The following SUN3 variants were observed in gnomAD, a reference collection of about 807,000 sequenced individuals.
SUN3 encodes the protein Sad1 and UNC84 domain containing 3.
Under a neutral mutation model 48.2 loss-of-function variants are expected in SUN3, and 36 were observed. The observed-to-expected ratio is 0.75, with a 90% CI of 0.57 to 0.99. The LOEUF is 0.99. SUN3 is among the 50% of genes least tolerant of loss of function. SUN3 has a pLI of 0.00. For missense variants in SUN3, 419 were observed against 433.1 expected (o/e 0.97, Z 0.29); for synonymous variants, 148 against 147.9 (o/e 1.00, Z 0.00).
intron 3 of SUN3, among the ~76,000 whole-genome samples, chr7:48,009,922 G>A (rs1789637216): frequency 6.6e-6 from 1 of 152,096 alleles, no homozygotes; most frequent in African/African-American, 2.4e-5. Context: ...CTTGGGTCTG[G>A]GTGGCCAGCA....
At chr7:48,030,306 T>TA (rs1161648374), upstream of SUN3, among the ~76,000 whole-genome samples, 1 of 152,224 alleles carries the variant, frequency 6.6e-6, no homozygotes, top group Non-Finnish European at 1.5e-5. Flanking sequence ...TTTTACCTAC[T>TA]AGTCCAAAAT....
At chr7:48,012,880 G>A (rs1305730514) in intron 3 of SUN3, among the ~76,000 whole-genome samples, 1 of 152,216 alleles carries the variant, frequency 6.6e-6, no homozygotes, top group Non-Finnish European at 1.5e-5. Context: ...CTCGAAGGAA[G>A]TAGTTTAGGC....
upstream of SUN3, among the ~76,000 whole-genome samples, chr7:48,032,292 G>A (rs75112487): frequency 2.8e-3 from 431 of 152,296 alleles, 1 homozygote; most frequent in Non-Finnish European, 4.6e-3. Context: ...ATACACAAAG[G>A]TAACTAAGTG....
chr7:47,989,012 C>G, intron 8 of SUN3, 132 bp from the exon 9 acceptor site: 1 of 532,834 alleles, frequency 1.9e-6, no homozygotes. Flanking sequence ...CCAGTACTAA[C>G]CTATACACCC....
chr7:48,035,882 G>A, the SUN3 span, among the ~76,000 whole-genome samples: 1 of 151,664 alleles, frequency 6.6e-6, no homozygotes, highest in African/African-American at 2.4e-5. This position sits in a 1 kb window ranked among gnomAD's most constrained non-coding sequence, Gnocchi z 4.0. Context: ...CTGGATACCC[G>A]GCGTGACGTG....
intron 8 of SUN3, among the ~76,000 whole-genome samples, chr7:47,989,933 C>T (rs1789004711): frequency 6.6e-6 from 1 of 152,212 alleles, no homozygotes; most frequent in African/African-American, 2.4e-5. Flanking sequence ...TCACCACTCC[C>T]TACTCTCAAG....
At chr7:48,012,194 C>T (rs531298045) in intron 3 of SUN3, among the ~76,000 whole-genome samples, 15 of 152,146 alleles carry the variant, frequency 9.9e-5, no homozygotes, top group Non-Finnish European at 2.1e-4. Context: ...CCAGAGCACT[C>T]GTTAAGAGGA....
chr7:48,007,326 T>A lies in SUN3; in HGVS notation c.331A>T (p.Lys111Ter), dbSNP rs1436535407. The change falls in exon 5 of 10, where the codon AAG becomes TAG. Residue 111 changes from lysine to a stop codon, truncating the protein, a stop_gained and splice_region_variant. Transcript: ENST00000297325. LOFTEE classifies it high-confidence loss of function. ...MPKEQLELLKKESQNLENNFR... is the reference protein window; with the variant it reads ...MPKEQLELLK ...TTGTTTTCCAGATTCTGGCTTTCCTTCCTGTAAAGGGAAAATCTCAGCATG... is the reference window on the plus strand; with the variant it reads ...TTGTTTTCCAGATTCTGGCTTTCCTACCTGTAAAGGGAAAATCTCAGCATG... The A allele has an allele frequency of 6.2e-7, 1 of 1,613,066 alleles. No individual in the cohort carries two copies. The highest frequency in any genetic ancestry group is 8.5e-7 in the Non-Finnish European group (1 of 1,179,332).
chr7:48,005,911 C>A (rs911596001), intron 6 of SUN3, 58 bp downstream of exon 6: 13 of 1,112,368 alleles, frequency 1.2e-5, no homozygotes, highest in South Asian at 2.8e-5. Context: ...AGAATAGGGA[C>A]ATTCCTGAAG....
rs1485542155 is a variant in SUN3, at chr7:48,019,058, T to C, written c.185-1693A>G. On this transcript the variant is annotated intron_variant, in intron 2 of 9. Transcript: ENST00000297325. The stretch of plus-strand genomic sequence containing the variant: ...AAAATGAAGAACTTACTAGAAGGGC[T>C]CAACAGTTGATTTAAGCAGGCAGAT... Among the ~76,000 whole-genome samples, 6 of 152,132 alleles carry C rather than the reference T, an allele frequency of 3.9e-5. 1 individual carries two copies. Among genetic ancestry groups the C allele is most frequent in the Non-Finnish European group, 1.5e-5 (1 of 68,034 alleles).
At chr7:48,021,746 C>G (rs961572141) in intron 2 of SUN3, among the ~76,000 whole-genome samples, 12 of 152,186 alleles carry the variant, frequency 7.9e-5, no homozygotes, top group African/African-American at 2.9e-4. Context: ...GTTAAAATGG[C>G]TTATACCCAA....
chr7:47,991,178 AG>A, intron 8 of SUN3: 1 of 372,776 alleles, frequency 2.7e-6, no homozygotes, highest in South Asian at 2.1e-5. Flanking sequence ...TAGCCTTTTA[AG>A]GAGCTGGGAT....
At chr7:48,024,056 C>T (rs140782807) in intron 2 of SUN3, among the ~76,000 whole-genome samples, 3 of 152,224 alleles carry the variant, frequency 2.0e-5, no homozygotes, top group African/African-American at 7.2e-5. Flanking sequence ...AGTTGGATCC[C>T]TTGCATCATA....
chr7:47,996,091 TTTTGC>T lies in SUN3; in HGVS notation c.628_632del (p.Ala210IlefsTer12). On this transcript the variant is annotated frameshift_variant, in exon 7 of 10. Transcript: ENST00000297325. LOFTEE classifies it high-confidence loss of function. ...GGAAACCTATCCCATGCCAGTACAA[TTTTGC>T]TTTATTATTTTTATAACTTTCTGAG... 1.3e-6 allele frequency: 2 copies of T among 1,596,226 alleles called. No individual in the cohort carries two copies. Among genetic ancestry groups the T allele is most frequent in the Non-Finnish European group, 1.7e-6 (2 of 1,174,300 alleles).
chr7:48,007,379 A>G (rs774772129), intron 4 of SUN3, 52 bp from the exon 5 acceptor site: 51 of 1,567,754 alleles, frequency 3.3e-5, no homozygotes, highest in Non-Finnish European at 4.3e-5. Context: ...AGCTCCTGTT[A>G]TCAGCTGTTG....
intron 2 of SUN3, among the ~76,000 whole-genome samples, chr7:48,017,939 A>G (rs1789857698): frequency 6.6e-6 from 1 of 152,230 alleles, no homozygotes; most frequent in African/African-American, 2.4e-5. Flanking sequence ...ACAGTAGATG[A>G]TGGAAGTGGC....
intron 6 of SUN3, among the ~76,000 whole-genome samples, chr7:48,002,374 G>A (rs548191809): frequency 1.6e-5 from 2 of 128,754 alleles, no homozygotes; most frequent in Admixed American, 7.1e-5. Flanking sequence ...TAGCCAGGAT[G>A]GTCTCGATCT....
At chr7:48,019,423 G>A (rs1003409912) in intron 2 of SUN3, among the ~76,000 whole-genome samples, 4 of 151,638 alleles carry the variant, frequency 2.6e-5, no homozygotes, top group Admixed American at 6.6e-5. Context: ...CCCAAAATGA[G>A]TAGAAGAAAA....
chr7:48,035,590 G>T, the SUN3 span: 1 of 695,190 alleles, frequency 1.4e-6, no homozygotes, highest in Non-Finnish European at 2.6e-6. The surrounding 1 kb of genome is among the most constrained non-coding windows in gnomAD (Gnocchi z 4.0). Context: ...CTCCAACGCC[G>T]GGCGCCGCGG....
Sources: gnomAD v4.1 joint callset for allele counts (sites outside exome capture counted in the v4.1 genomes callset) on GRCh38, gnomAD v4.1.1 for gene constraint, Gnocchi (gnomAD v3.1) non-coding constraint, MANE v1.5 for transcripts, NCBI Gene and HGNC (gene_info 2026-07-23, HGNC 2026-07-21) for gene names.